AFF2: variants seen among roughly 807,000 people sequenced by gnomAD.
AFF2 encodes the protein AF4/FMR2 family member 2.
AFF2 carries 14 observed loss-of-function variants against 76.9 expected under a neutral mutation model. The ratio of observed to expected loss-of-function variants is 0.18; its 90% confidence interval spans 0.12 to 0.28. The LOEUF (loss-of-function observed/expected upper bound fraction) is 0.28, where lower values mean the gene tolerates loss of function less well. Ranked by LOEUF, AFF2 falls within the 10% of genes least tolerant of loss-of-function variation. The pLI, the probability that AFF2 is intolerant of heterozygous loss-of-function variation, is 1.00. For synonymous variants in AFF2, 398 were observed against 366.7 expected, an observed-to-expected ratio of 1.09 and a Z score of -0.98; for missense variants, 868 against 1,001.1, an observed-to-expected ratio of 0.87 and a Z score of 1.79.
intron 1 of AFF2, among the ~76,000 whole-genome samples, chrX:148,555,376 T>G (rs2053041500): frequency 8.9e-6 from 1 of 112,464 alleles, no homozygotes; most frequent in South Asian, 3.7e-4. Flanking sequence ...TTTCTCTGTA[T>G]TTTCATCATA....
chrX:148,591,026 T>G (rs2053517524), intron 1 of AFF2, among the ~76,000 whole-genome samples: 1 of 112,176 alleles, frequency 8.9e-6, no homozygotes, highest in Non-Finnish European at 1.9e-5. Context: ...ATTACCCGTG[T>G]TGCCCTCTGG....
At chrX:148,711,916 A>G (rs1396004581) in intron 3 of AFF2, among the ~76,000 whole-genome samples, 4 of 111,834 alleles carry the variant, frequency 3.6e-5, no homozygotes, top group Non-Finnish European at 5.6e-5. Context: ...GCCCTCTGCC[A>G]TATGATCTTG....
At chrX:148,950,229 G>A (rs782280233) in intron 9 of AFF2, among the ~76,000 whole-genome samples, 1 of 111,919 alleles carries the variant, frequency 8.9e-6, no homozygotes, top group African/African-American at 3.2e-5. Flanking sequence ...AGTCCCAACC[G>A]GGCGCAAGGT....
At chrX:148,802,558 C>G (rs1444444750) in intron 3 of AFF2, among the ~76,000 whole-genome samples, 1 of 112,064 alleles carries the variant, frequency 8.9e-6, no homozygotes, top group Non-Finnish European at 1.9e-5. Context: ...ATACAAAACA[C>G]TGGGTACTCG....
chrX:148,812,451 T>C (rs912797126), intron 4 of AFF2, among the ~76,000 whole-genome samples: 16 of 111,442 alleles, frequency 1.4e-4, no homozygotes, highest in African/African-American at 5.2e-4. Context: ...ATTCCCTTAT[T>C]TCCTAGCTGT....
chrX:148,531,868 A>T (rs1557235958), intron 1 of AFF2, among the ~76,000 whole-genome samples: 1 of 106,477 alleles, frequency 9.4e-6, no homozygotes, highest in East Asian at 3.0e-4. Flanking sequence ...TATACATATG[A>T]GAAGAATAAG....
rs1165385117 is a variant in AFF2, at chrX:148,995,490, C to CGG, written c.*4164_*4165dup. 8.0e-4 allele frequency: 37 copies of CGG among 45,970 alleles called. No individual in the cohort carries two copies. The highest frequency in any genetic ancestry group is 1.2e-3 in the Admixed American group (5 of 4,077). 3.8% of individuals were successfully genotyped at this position (45,970 alleles called of 1,213,427 possible). On this transcript the variant is annotated 3_prime_UTR_variant, in exon 21 of 21. Transcript: ENST00000370460. Reference sequence around the variant, plus strand: ...GGCAGAAAGGGGGTGGGGGTGGGGGCGGGGGGGTGGGGGGTGGGGAAGCCC... The same window carrying CGG: ...GGCAGAAAGGGGGTGGGGGTGGGGGCGGGGGGGGGTGGGGGGTGGGGAAGCCC...
chrX:148,881,389 C>T (rs1438795919), intron 7 of AFF2, among the ~76,000 whole-genome samples: 3 of 111,357 alleles, frequency 2.7e-5, no homozygotes, highest in African/African-American at 9.8e-5. Context: ...GCCCTTGGTT[C>T]ATTTCTCTGG....
chrX:148,704,460 GTATATATTTATATATATGTGTATA>G (rs1183166736), intron 3 of AFF2, among the ~76,000 whole-genome samples: 2 of 14,867 alleles, frequency 1.3e-4, no homozygotes, highest in African/African-American at 2.4e-4. Flanking sequence ...TTATATATGT[GTATATATTTATATATATGTGTATA>G]TATATATTTA....
intron 3 of AFF2, among the ~76,000 whole-genome samples, chrX:148,727,495 A>C (rs2055173021): frequency 9.0e-6 from 1 of 111,697 alleles, no homozygotes; most frequent in African/African-American, 3.3e-5. Flanking sequence ...ATAAAGATAA[A>C]TGGAGAGAGT....
intron 3 of AFF2, among the ~76,000 whole-genome samples, chrX:148,741,212 A>G (rs1446157642): frequency 9.0e-6 from 1 of 111,308 alleles, no homozygotes; most frequent in Non-Finnish European, 1.9e-5. Flanking sequence ...CCAAGATTAA[A>G]TGCCCTTTGT....
In AFF2 at chrX:148,955,685, G is replaced by A. The variant is rs147098255; in HGVS notation, c.1640G>A (p.Gly547Asp). ...VTSQNKSFIC[G>D]QNETPMETIS... ...TCCCAGAACAAGTCTTTTATTTGTG[G>A]CCAAAATGAAACACCCATGGAGACT... The change falls in exon 11 of 21, where the codon GGC (glycine) becomes GAC (aspartate). Residue 547 changes from glycine (G) to aspartate (D), a missense_variant. Coordinates refer to ENST00000370460, the MANE Select transcript of AFF2 (RefSeq NM_002025.4). The A allele has an allele frequency of 1.4e-4, 164 of 1,209,656 alleles. 2 individuals carry two copies. In the East Asian group the frequency reaches 4.8e-3, roughly 35 times the overall value.
intron 9 of AFF2, among the ~76,000 whole-genome samples, chrX:148,952,518 G>T (rs1385389620): frequency 9.0e-6 from 1 of 111,545 alleles, no homozygotes; most frequent in Non-Finnish European, 1.9e-5. Flanking sequence ...GACACAGAGG[G>T]AGATTAGAAC....
At chrX:148,856,532 A>G (rs369170301) in intron 7 of AFF2, among the ~76,000 whole-genome samples, 1 of 111,161 alleles carries the variant, frequency 9.0e-6, no homozygotes, top group African/African-American at 3.3e-5. Flanking sequence ...CTCAGAGTCC[A>G]CCTGGACTTG....
intron 9 of AFF2, among the ~76,000 whole-genome samples, chrX:148,915,592 A>G (rs1381580460): frequency 1.8e-5 from 2 of 112,322 alleles, no homozygotes; most frequent in Non-Finnish European, 1.9e-5. Context: ...GTACTCATTC[A>G]TGTTTGCATT....
intron 19 of AFF2, among the ~76,000 whole-genome samples, chrX:148,982,558 A>T (rs1274196596): frequency 4.5e-5 from 5 of 111,939 alleles, no homozygotes; most frequent in Non-Finnish European, 9.4e-5. Context: ...GGTGTCCCCC[A>T]AGGAGGGCTC....
chrX:148,938,280 T>G (rs1400641649), intron 9 of AFF2, among the ~76,000 whole-genome samples: 2 of 112,079 alleles, frequency 1.8e-5, no homozygotes, highest in Non-Finnish European at 3.8e-5. Flanking sequence ...TGGCTAATCT[T>G]CGTTGTCATT....
At chrX:148,731,044 G>A (rs1343417693) in intron 3 of AFF2, among the ~76,000 whole-genome samples, 2 of 111,587 alleles carry the variant, frequency 1.8e-5, no homozygotes, top group African/African-American at 6.5e-5. Context: ...TCAAGGTATG[G>A]CATCCAGTTC....
chrX:148,575,488 G>T (rs1263130804), intron 1 of AFF2, among the ~76,000 whole-genome samples: 1 of 111,225 alleles, frequency 9.0e-6, no homozygotes, highest in Admixed American at 9.6e-5. Context: ...TTTCCACAGG[G>T]TATAATTTTT....
Sources: gnomAD v4.1 joint callset for allele counts (sites outside exome capture counted in the v4.1 genomes callset) on GRCh38, gnomAD v4.1.1 for gene constraint, MANE v1.5 for transcripts, NCBI Gene and HGNC (gene_info 2026-07-23, HGNC 2026-07-21) for gene names.